ABTB2: variants seen among roughly 807,000 people sequenced by gnomAD.
The protein encoded by ABTB2 is ankyrin repeat and BTB/POZ domain-containing protein 2.
ABTB2 carries 56 observed loss-of-function variants against 104.1 expected under a neutral mutation model. The observed-to-expected ratio is 0.54, with a 90% CI of 0.43 to 0.67. ABTB2 has a LOEUF of 0.67. ABTB2 is among the 30% of genes least tolerant of loss of function. ABTB2 has a pLI of 0.00. For missense variants in ABTB2, 1,279 were observed against 1,407.7 expected (o/e 0.91, Z 1.46); for synonymous variants, 606 against 608.2 (o/e 1.00, Z 0.05).
chr11:34,293,802 G>C (rs2005183), intron 1 of ABTB2, among the ~76,000 whole-genome samples: 6,041 of 152,112 alleles, frequency 0.04, 187 homozygotes, highest in East Asian at 0.15. Context: ...TCAGCTCACT[G>C]CAACCTCTGC....
At chr11:34,237,723 T>C (rs1423676250) in intron 1 of ABTB2, among the ~76,000 whole-genome samples, 1 of 152,034 alleles carries the variant, frequency 6.6e-6, no homozygotes, top group African/African-American at 2.4e-5. Flanking sequence ...AAACCCCATC[T>C]CTACTAAAAA....
intron 6 of ABTB2, 122 bp from the exon 7 acceptor site, chr11:34,167,482 G>T: frequency 1.2e-6 from 1 of 830,458 alleles, no homozygotes; most frequent in Non-Finnish European, 1.9e-6. Flanking sequence ...TTTGCCTGGA[G>T]CACAAAGTGG....
chr11:34,307,019 A>G (rs371141093), intron 1 of ABTB2, among the ~76,000 whole-genome samples: 3 of 151,236 alleles, frequency 2.0e-5, no homozygotes, highest in African/African-American at 7.3e-5. Flanking sequence ...GAAAAAAAGC[A>G]GACGAACTTT....
chr11:34,195,105 G>T (rs1441524283), intron 3 of ABTB2, among the ~76,000 whole-genome samples: 1 of 134,760 alleles, frequency 7.4e-6, no homozygotes, highest in Non-Finnish European at 1.6e-5. Context: ...GGGAGAAAGT[G>T]CCAGCAGAGG....
intron 1 of ABTB2, among the ~76,000 whole-genome samples, chr11:34,213,580 G>A (rs1163421931): frequency 6.6e-6 from 1 of 152,210 alleles, no homozygotes; most frequent in African/African-American, 2.4e-5. Context: ...TTCATCTATG[G>A]TAAATATCAG....
At chr11:34,174,596 T>TG (rs992815112) in intron 3 of ABTB2, among the ~76,000 whole-genome samples, 1 of 152,140 alleles carries the variant, frequency 6.6e-6, no homozygotes, top group Non-Finnish European at 1.5e-5. Flanking sequence ...CAGATTCAGC[T>TG]GGGGGGCGGG....
At position 34,356,683 on chromosome 11, in the gene ABTB2, C is replaced by A; in HGVS notation, c.883+18G>T. 5.8e-6 allele frequency: 9 copies of A among 1,557,416 alleles called. No homozygotes were observed. Among genetic ancestry groups the A allele is most frequent in the Non-Finnish European group, 7.9e-6 (9 of 1,143,872 alleles). On this transcript the variant is annotated intron_variant, in intron 1 of 16. Transcript: ENST00000435224. The surrounding 1 kb of genome is among the most constrained non-coding windows in gnomAD (Gnocchi z 4.6). ...TTCTTGCCTACCCAGTCTGCCAGTC[C>A]GAGGCCCGCGCGCTTACCATTGGCG...
rs550430624 is a variant in ABTB2 at position 34,357,831 on chromosome 11, C to T, written c.-248G>A. The T allele has an allele frequency of 1.5e-5, 7 of 478,540 alleles. No individual in the cohort carries two copies. The Admixed American group carries it at 1.5e-4, about 10-fold the overall frequency. The allele number at this position is 478,540 out of a possible 1,614,324, so 29.6% of individuals were successfully genotyped here. On this transcript the variant is annotated 5_prime_UTR_variant, in exon 1 of 17. Transcript: ENST00000435224. ...GCCACTGGAAAGAACCCCGTCGCTA[C>T]CCCCCGGCACTCCCCCTTGTCCACC...
intron 1 of ABTB2, among the ~76,000 whole-genome samples, chr11:34,224,859 T>C (rs978039980): frequency 6.6e-5 from 10 of 152,180 alleles, no homozygotes; most frequent in African/African-American, 2.2e-4. Flanking sequence ...GAGATAGTGG[T>C]AATCTTTTTT....
chr11:34,326,695 GAACA>G (rs1855074860), intron 1 of ABTB2, among the ~76,000 whole-genome samples: 1 of 149,882 alleles, frequency 6.7e-6, no homozygotes, highest in South Asian at 2.1e-4. Flanking sequence ...GCCAAAAACA[GAACA>G]AACAGAAACA....
intron 1 of ABTB2, among the ~76,000 whole-genome samples, chr11:34,317,761 CA>C (rs772418965): frequency 0.23 from 28,938 of 125,328 alleles, 3,466 homozygotes; most frequent in South Asian, 0.37. Context: ...AATCCTGTCT[CA>C]AAAAAAAAAA....
At chr11:34,248,529 T>C (rs968509615) in intron 1 of ABTB2, among the ~76,000 whole-genome samples, 2 of 152,132 alleles carry the variant, frequency 1.3e-5, no homozygotes, top group African/African-American at 4.8e-5. Context: ...TTACTGAAAG[T>C]AGGAATTTAA....
intron 1 of ABTB2, among the ~76,000 whole-genome samples, chr11:34,344,973 C>T (rs1285479599): frequency 6.6e-6 from 1 of 152,210 alleles, no homozygotes; most frequent in African/African-American, 2.4e-5. Context: ...CTCTCTCATA[C>T]CTCACACATC....
chr11:34,276,381 T>C (rs548780738), intron 1 of ABTB2, among the ~76,000 whole-genome samples: 2 of 152,340 alleles, frequency 1.3e-5, no homozygotes, highest in East Asian at 3.9e-4. Context: ...ATAAAACCAA[T>C]ACTGGTACTT....
At chr11:34,222,699 G>A (rs1853639554) in intron 1 of ABTB2, among the ~76,000 whole-genome samples, 1 of 152,264 alleles carries the variant, frequency 6.6e-6, no homozygotes. Flanking sequence ...AAGGCTGGAT[G>A]TGGGGCTGTG....
chr11:34,312,320 T>C (rs1854866394), intron 1 of ABTB2, among the ~76,000 whole-genome samples: 1 of 152,032 alleles, frequency 6.6e-6, no homozygotes, highest in Non-Finnish European at 1.5e-5. Flanking sequence ...TTTCAGAGGG[T>C]CTCTACGAGG....
At chr11:34,172,601 C>T (rs976169126) in intron 4 of ABTB2, among the ~76,000 whole-genome samples, 98 of 151,910 alleles carry the variant, frequency 6.5e-4, no homozygotes, top group African/African-American at 2.3e-3. Flanking sequence ...GCTTGGAGGC[C>T]GTATGGACCT....
At chr11:34,205,189 G>GC (rs1009794377) in intron 1 of ABTB2, among the ~76,000 whole-genome samples, 5 of 152,304 alleles carry the variant, frequency 3.3e-5, no homozygotes, top group African/African-American at 1.2e-4. Context: ...AGATGTAAAT[G>GC]CCCATCCTGA....
chr11:34,344,776 G>A (rs1855309927), intron 1 of ABTB2, among the ~76,000 whole-genome samples: 1 of 152,202 alleles, frequency 6.6e-6, no homozygotes, highest in Admixed American at 6.5e-5. Context: ...AGGATTACAG[G>A]TGTGAGTCAC....
Sources: gnomAD v4.1 joint callset for allele counts (sites outside exome capture counted in the v4.1 genomes callset) on GRCh38, gnomAD v4.1.1 for gene constraint, Gnocchi (gnomAD v3.1) non-coding constraint, MANE v1.5 for transcripts, NCBI Gene and HGNC (gene_info 2026-07-23, HGNC 2026-07-21) for gene names.